Variants in UTRN observed in about 807,000 individuals in gnomAD.
The protein encoded by UTRN is dystrophin-related protein 1.
Under a neutral mutation model 463.9 loss-of-function variants are expected in UTRN, and 283 were observed. The ratio of observed to expected loss-of-function variants is 0.61; its 90% CI spans 0.55 to 0.67. The LOEUF is 0.67. Ranked by LOEUF, UTRN falls within the 30% of genes least tolerant of loss-of-function variation. The pLI is 0.00. For missense variants in UTRN, 3,922 were observed against 4,084.3 expected (o/e 0.96, Z 1.08); for synonymous variants, 1,442 against 1,431.5 (o/e 1.01, Z -0.17).
chr6:144,550,603 A>G (rs1798821102), intron 47 of UTRN, among the ~76,000 whole-genome samples: 2 of 152,210 alleles, frequency 1.3e-5, no homozygotes, highest in African/African-American at 4.8e-5. Flanking sequence ...CATCATCAGC[A>G]GCAATAACTG....
intron 17 of UTRN, among the ~76,000 whole-genome samples, chr6:144,450,593 C>G (rs1333183194): frequency 6.6e-6 from 1 of 152,146 alleles, no homozygotes; most frequent in South Asian, 2.1e-4. Flanking sequence ...CTAGAAGCTC[C>G]TTGGGAGCTG....
intron 53 of UTRN, among the ~76,000 whole-genome samples, chr6:144,718,319 T>C (rs550366059): frequency 6.6e-6 from 1 of 152,186 alleles, no homozygotes; most frequent in African/African-American, 2.4e-5. Context: ...AAAAAAAAAT[T>C]AATTAGCCTG....
intron 2 of UTRN, among the ~76,000 whole-genome samples, chr6:144,294,550 CT>C (rs1804520961): frequency 6.6e-6 from 1 of 151,770 alleles, no homozygotes; most frequent in Non-Finnish European, 1.5e-5. Flanking sequence ...GAATACTTTC[CT>C]TTAGGAAAAT....
chr6:144,445,562 C>A (rs996449412), intron 14 of UTRN, among the ~76,000 whole-genome samples: 1 of 149,044 alleles, frequency 6.7e-6, no homozygotes, highest in Non-Finnish European at 1.5e-5. Context: ...GACTACTTCC[C>A]CCCCCGCCCT....
At chr6:144,446,328 T>G (rs1465965321) in intron 14 of UTRN, among the ~76,000 whole-genome samples, 1 of 152,196 alleles carries the variant, frequency 6.6e-6, no homozygotes, top group Non-Finnish European at 1.5e-5. Flanking sequence ...TATGTGCATA[T>G]CTTACCAGCC....
At chr6:144,336,844 T>C (rs1434568433) in intron 2 of UTRN, among the ~76,000 whole-genome samples, 1 of 152,146 alleles carries the variant, frequency 6.6e-6, no homozygotes, top group African/African-American at 2.4e-5. Context: ...TTGGCCTTCA[T>C]TCCTGCCACT....
rs1467062577 is a variant in UTRN, at chr6:144,429,609, A to T, written c.723A>T (p.Lys241Asn). The T allele has an allele frequency of 6.2e-7, 1 of 1,605,826 alleles. No homozygotes were observed. Among genetic ancestry groups the T allele is most frequent in the Non-Finnish European group, 8.5e-7 (1 of 1,176,274 alleles). The part of the protein sequence containing the change: ...EDVAVQLPDK[K>N]SIIMYLTSLF... Reference sequence around the variant, plus strand: ...TTGCCGTTCAGCTTCCTGACAAGAAATCCATAATTATGTATTTAACATCTT... The same window carrying T: ...TTGCCGTTCAGCTTCCTGACAAGAATTCCATAATTATGTATTTAACATCTT... Residue 241 changes from lysine (K) to asparagine (N), a missense_variant, in exon 9 of 75, where the codon AAA (lysine) becomes AAT (asparagine). Around this residue, in one of 3 missense-constraint regions of UTRN, gnomAD observed 264 missense variants for 327.9 expected, o/e 0.81. Transcript: ENST00000367545.
chr6:144,433,627 G>GAT (rs1322043868), intron 9 of UTRN, among the ~76,000 whole-genome samples: 2 of 150,868 alleles, frequency 1.3e-5, no homozygotes, highest in South Asian at 2.1e-4. Context: ...CTTCTCAGAC[G>GAT]GGGCGGCCGG....
At chr6:144,552,362 G>T (rs1199058254) in intron 48 of UTRN, among the ~76,000 whole-genome samples, 1 of 152,094 alleles carries the variant, frequency 6.6e-6, no homozygotes, top group Non-Finnish European at 1.5e-5. Flanking sequence ...GCCTATTATG[G>T]AACTTTGGAG....
intron 52 of UTRN, among the ~76,000 whole-genome samples, chr6:144,687,516 A>G (rs1408792101): frequency 6.6e-6 from 1 of 152,208 alleles, no homozygotes; most frequent in Non-Finnish European, 1.5e-5. Flanking sequence ...AATCCTAAAT[A>G]TATATGCATA....
At chr6:144,807,737 G>C (rs189859776) in intron 65 of UTRN, among the ~76,000 whole-genome samples, 2 of 152,156 alleles carry the variant, frequency 1.3e-5, no homozygotes, top group East Asian at 3.9e-4. Context: ...TTACCAATTA[G>C]GATTTGATTC....
chr6:144,833,106 C>T (rs1472814326), intron 69 of UTRN, among the ~76,000 whole-genome samples: 1 of 152,216 alleles, frequency 6.6e-6, no homozygotes. Context: ...AGGCGTGAGC[C>T]ACCGTGCCCA....
At chr6:144,296,720 G>A (rs1410051948) in intron 2 of UTRN, among the ~76,000 whole-genome samples, 2 of 152,134 alleles carry the variant, frequency 1.3e-5, no homozygotes, top group Non-Finnish European at 2.9e-5. Flanking sequence ...GCCTAATTCT[G>A]TCCCTTACAC....
intron 58 of UTRN, among the ~76,000 whole-genome samples, chr6:144,761,608 T>C (rs997347452): frequency 3.3e-5 from 5 of 151,934 alleles, no homozygotes; most frequent in African/African-American, 1.2e-4. Flanking sequence ...ATCACACCAC[T>C]GCACTACAGT....
intron 2 of UTRN, among the ~76,000 whole-genome samples, chr6:144,324,350 G>A (rs78750645): frequency 0.019 from 2,904 of 152,198 alleles, 50 homozygotes; most frequent in Middle Eastern, 0.092. Context: ...CAAGTCTAAA[G>A]TAAAATTTCA....
chr6:144,630,798 A>G (rs1318762000), intron 51 of UTRN, among the ~76,000 whole-genome samples: 1 of 152,142 alleles, frequency 6.6e-6, no homozygotes, highest in Non-Finnish European at 1.5e-5. Context: ...GCTTGAGTTC[A>G]GTATTTATCT....
rs367577548 is a variant in UTRN, at chr6:144,836,362, G to A, written c.9886G>A (p.Gly3296Ser). Reference sequence around the variant, plus strand: ...GCACCTCCGAAGGGGGCTCCCTGTCGGTTCACCGCCAGAGTCGATTATATC... The same window carrying A: ...GCACCTCCGAAGGGGGCTCCCTGTCAGTTCACCGCCAGAGTCGATTATATC... ...DQHLRRGLPV[G>S]SPPESIISPH... Residue 3296 changes from glycine to serine, a missense_variant, in exon 71 of 75, where the codon GGT (glycine) becomes AGT (serine). Physicochemically the swap from Gly to Ser is moderately conservative, Grantham distance 56. Transcript: ENST00000367545. 72 of 1,613,954 alleles carry A rather than the reference G, an allele frequency of 4.5e-5. No homozygotes were observed. The highest frequency in any genetic ancestry group is 1.6e-4 in the Middle Eastern group (1 of 6,084).
chr6:144,413,797 A>G (rs991787219), intron 3 of UTRN, among the ~76,000 whole-genome samples: 2 of 152,044 alleles, frequency 1.3e-5, no homozygotes, highest in Admixed American at 6.6e-5. Context: ...TAAATTTATC[A>G]TTATTTAATT....
intron 51 of UTRN, among the ~76,000 whole-genome samples, chr6:144,620,261 T>C (rs2128647003): frequency 6.6e-6 from 1 of 152,294 alleles, no homozygotes; most frequent in African/African-American, 2.4e-5. Flanking sequence ...AAACTCTCCA[T>C]TTGCATTTTA....
Sources: allele counts gnomAD v4.1 joint callset (sites outside exome capture counted in the v4.1 genomes callset), GRCh38; gene constraint gnomAD v4.1.1; regional missense constraint gnomAD v4.1.1; transcripts MANE v1.5; gene names NCBI Gene and HGNC (gene_info 2026-07-23, HGNC 2026-07-21).